The following CNTN6 variants were observed in gnomAD, a reference collection of about 807,000 sequenced individuals.
CNTN6 encodes contactin-6.
A neutral mutation model predicts 122.8 loss-of-function variants in CNTN6; 137 were observed. That is an observed-to-expected ratio of 1.12 (90% CI 0.97 to 1.29). The LOEUF (loss-of-function observed/expected upper bound fraction) is 1.29, where lower values mean the gene tolerates loss of function less well. CNTN6 is among the 50% of genes most tolerant of loss of function. The probability of loss-of-function intolerance (pLI) is 0.00; values close to 1 mark genes in which losing one functional copy is unlikely to be tolerated. For synonymous variants in CNTN6, 570 were observed against 426.0 expected, an observed-to-expected ratio of 1.34 and a Z score of -4.16; for missense variants, 1,634 against 1,223.4, an observed-to-expected ratio of 1.34 and a Z score of -5.01.
intron 19 of CNTN6, among the ~76,000 whole-genome samples, chr3:1,384,808 C>CAG (rs1692601498): frequency 7.4e-6 from 1 of 135,958 alleles, no homozygotes; most frequent in African/African-American, 2.6e-5. Flanking sequence ...CACACACACA[C>CAG]ACACATATAT....
At chr3:1,113,916 G>A (rs1453243094) in intron 1 of CNTN6, among the ~76,000 whole-genome samples, 1 of 152,162 alleles carries the variant, frequency 6.6e-6, no homozygotes, top group African/African-American at 2.4e-5. Context: ...CATGACTACA[G>A]TATGGGCACA....
intron 2 of CNTN6, among the ~76,000 whole-genome samples, chr3:1,163,747 A>G (rs559153557): frequency 2.0e-5 from 3 of 152,306 alleles, no homozygotes; most frequent in East Asian, 3.9e-4. Context: ...CTGTCTGTCA[A>G]TGCGGTCAAT....
intron 11 of CNTN6, among the ~76,000 whole-genome samples, chr3:1,331,375 G>C (rs116157187): frequency 6.6e-6 from 1 of 151,928 alleles, no homozygotes; most frequent in Admixed American, 6.6e-5. Flanking sequence ...CATGTAAAGC[G>C]TTACCAGCTT....
intron 17 of CNTN6, among the ~76,000 whole-genome samples, chr3:1,378,297 A>C (rs1490665259): frequency 6.6e-6 from 1 of 152,164 alleles, no homozygotes; most frequent in Non-Finnish European, 1.5e-5. Context: ...GACATTTGTC[A>C]GTTAAATGAA....
At chr3:1,146,338 C>G (rs1004622368) in intron 1 of CNTN6, among the ~76,000 whole-genome samples, 2 of 152,058 alleles carry the variant, frequency 1.3e-5, no homozygotes, top group South Asian at 4.1e-4. Context: ...ACAGGCAACT[C>G]AAGGCTTGCT....
Position 1,099,227 on chromosome 3 carries a change from G to A in CNTN6, c.-83+6107G>A, listed in dbSNP as rs576530941. ...AGCACTTTGGGAGGCCGAGGCGGGC[G>A]GATCACGAGGTCAGGAGATCGAGAC... On this transcript the variant is annotated intron_variant, in intron 1 of 22. Coordinates refer to ENST00000446702, the MANE Select transcript of CNTN6 (RefSeq NM_001289080.2). Among the ~76,000 whole-genome samples, 7 of 152,108 alleles carry A rather than the reference G, an allele frequency of 4.6e-5. 1 individual carries two copies. In the East Asian group the frequency reaches 5.8e-4, roughly 13 times the overall value.
intron 7 of CNTN6, among the ~76,000 whole-genome samples, chr3:1,299,824 A>C (rs974824028): frequency 1.3e-5 from 2 of 152,204 alleles, no homozygotes; most frequent in African/African-American, 2.4e-5. Context: ...AATCTCTATG[A>C]ATTACCATAT....
At chr3:1,232,816 G>T (rs563444509) in intron 4 of CNTN6, among the ~76,000 whole-genome samples, 1 of 152,206 alleles carries the variant, frequency 6.6e-6, no homozygotes, top group African/African-American at 2.4e-5. Context: ...AAAAGGCAAG[G>T]GAAGCCTTTC....
At position 1,295,695 on chromosome 3, in the gene CNTN6, T is replaced by G. The variant is rs767327286; in HGVS notation, c.549T>G (p.Ile183Met). ...FVSQETGNLYIAKVEPSDVGN... is the reference protein window; with the variant it reads ...FVSQETGNLYMAKVEPSDVGN... ...CTCAAGAGACGGGAAACTTGTACAT[T>G]GCCAAAGTGGAACCATCAGATGTGG... The change falls in exon 6 of 23, where the codon ATT becomes ATG. Residue 183 changes from isoleucine (I) to methionine (M), a missense_variant. By Grantham distance (10) the Ile-to-Met change is conservative. Transcript: ENST00000446702. 1.2e-6 allele frequency: 2 copies of G among 1,614,088 alleles called. No individual in the cohort carries two copies. Among genetic ancestry groups the G allele is most frequent in the Non-Finnish European group, 1.7e-6 (2 of 1,179,940 alleles).
At chr3:1,401,410 G>A (rs1245047642) in intron 20 of CNTN6, 23 bp from the exon 21 acceptor site, 1 of 1,581,060 alleles carries the variant, frequency 6.3e-7, no homozygotes, top group Non-Finnish European at 8.7e-7. Context: ...CATTCATTTG[G>A]ATCTTTGATT....
At chr3:1,287,273 A>G (rs957784011) in intron 5 of CNTN6, among the ~76,000 whole-genome samples, 1 of 152,180 alleles carries the variant, frequency 6.6e-6, no homozygotes, top group East Asian at 1.9e-4. Context: ...GCACGTTGTT[A>G]AGATGTTTAG....
chr3:1,178,283 T>C (rs942155971), intron 2 of CNTN6, among the ~76,000 whole-genome samples: 1 of 152,092 alleles, frequency 6.6e-6, no homozygotes, highest in Non-Finnish European at 1.5e-5. Flanking sequence ...TTATTCACTC[T>C]TTCTCTCTTT....
chr3:1,384,237 T>C (rs747081192), intron 19 of CNTN6, among the ~76,000 whole-genome samples: 19 of 152,206 alleles, frequency 1.2e-4, no homozygotes, highest in Non-Finnish European at 2.5e-4. Context: ...CACAACATCA[T>C]TTTTCAAAAG....
intron 4 of CNTN6, among the ~76,000 whole-genome samples, chr3:1,251,431 A>T (rs1162867824): frequency 6.6e-6 from 1 of 151,582 alleles, no homozygotes; most frequent in Non-Finnish European, 1.5e-5. Context: ...TTCCCTCTAT[A>T]CTGAGACAAA....
intron 2 of CNTN6, among the ~76,000 whole-genome samples, chr3:1,178,339 A>G (rs1011218573): frequency 2.0e-5 from 3 of 152,006 alleles, no homozygotes; most frequent in African/African-American, 7.2e-5. Flanking sequence ...AAGTCTACCA[A>G]ATCTTTCCTT....
chr3:1,390,778 C>T (rs1000989500), intron 20 of CNTN6, among the ~76,000 whole-genome samples: 4 of 151,626 alleles, frequency 2.6e-5, no homozygotes, highest in African/African-American at 9.7e-5. Flanking sequence ...CTACAAACAC[C>T]TCTATGCAAA....
At chr3:1,284,327 A>T (rs1292408161) in intron 5 of CNTN6, among the ~76,000 whole-genome samples, 1 of 152,228 alleles carries the variant, frequency 6.6e-6, no homozygotes, top group Non-Finnish European at 1.5e-5. Flanking sequence ...GCTAAAACTT[A>T]ACATCCCCTT....
At chr3:1,282,992 A>G (rs1693731820) in intron 5 of CNTN6, among the ~76,000 whole-genome samples, 1 of 151,746 alleles carries the variant, frequency 6.6e-6, no homozygotes, top group Non-Finnish European at 1.5e-5. Context: ...TTTTTTTTTG[A>G]GAGGGAGTCT....
intron 11 of CNTN6, among the ~76,000 whole-genome samples, chr3:1,332,531 G>GAAGGA (rs762394172): frequency 1.8e-5 from 2 of 108,330 alleles, no homozygotes; most frequent in Non-Finnish European, 3.9e-5. Flanking sequence ...AGGAAGGAAG[G>GAAGGA]AGGGAGGGAA....
Sources: gnomAD v4.1 joint callset for allele counts (sites outside exome capture counted in the v4.1 genomes callset) on GRCh38, gnomAD v4.1.1 for gene constraint, MANE v1.5 for transcripts, NCBI Gene and HGNC (gene_info 2026-07-23, HGNC 2026-07-21) for gene names.